The following GRIN2A variants were observed in gnomAD, a reference collection of about 807,000 sequenced individuals.
GRIN2A encodes glutamate receptor ionotropic, NMDA 2A.
In GRIN2A, 22 loss-of-function variants were observed where a neutral mutation model predicts 113.4. That is an observed-to-expected ratio of 0.19 (90% CI 0.14 to 0.28). The LOEUF (loss-of-function observed/expected upper bound fraction) is 0.28, where lower values mean the gene tolerates loss of function less well. Ranked by LOEUF, GRIN2A falls within the 10% of genes least tolerant of loss-of-function variation. The probability of loss-of-function intolerance (pLI) is 1.00; values close to 1 mark genes in which losing one functional copy is unlikely to be tolerated. For missense variants in GRIN2A, 1,502 were observed against 1,887.0 expected (o/e 0.80, Z 3.78); for synonymous variants, 827 against 738.4 (o/e 1.12, Z -1.94).
chr16:10,165,863 G>T (rs1387544094), intron 2 of GRIN2A, among the ~76,000 whole-genome samples: 2 of 151,998 alleles, frequency 1.3e-5, no homozygotes, highest in Non-Finnish European at 2.9e-5. Flanking sequence ...ATTAACCAAG[G>T]CAAAACCAAT....
intron 4 of GRIN2A, among the ~76,000 whole-genome samples, chr16:9,875,642 G>A (rs2043349726): frequency 6.6e-6 from 1 of 152,226 alleles, no homozygotes; most frequent in East Asian, 1.9e-4. Context: ...CCAGACAGCA[G>A]CCACTGAGCT....
intron 2 of GRIN2A, among the ~76,000 whole-genome samples, chr16:9,945,299 G>A (rs769464620): frequency 2.3e-4 from 35 of 152,118 alleles, no homozygotes; most frequent in Admixed American, 1.3e-4. Flanking sequence ...ATGATATGAA[G>A]AAGGAGTCAT....
chr16:9,935,512 TCACACACACACACACACACACACACACA>T (rs71157793), intron 3 of GRIN2A, among the ~76,000 whole-genome samples: 1 of 132,836 alleles, frequency 7.5e-6, no homozygotes, highest in South Asian at 2.7e-4. Flanking sequence ...GTCTACTTCA[TCACACACACACACACACACACACACACA>T]CACACACACA....
intron 4 of GRIN2A, among the ~76,000 whole-genome samples, chr16:9,878,914 T>A (rs1644381447): frequency 6.6e-6 from 1 of 151,984 alleles, no homozygotes; most frequent in African/African-American, 2.4e-5. Flanking sequence ...CTTTGGGAGA[T>A]GGCATCACTT....
chr16:9,829,673 A>G (rs1249354065), intron 8 of GRIN2A, 21 bp from the exon 9 acceptor site: 1 of 1,556,566 alleles, frequency 6.4e-7, no homozygotes, highest in East Asian at 2.2e-5. Flanking sequence ...TGAAAAGGAC[A>G]TTCTCAGCAT....
chr16:10,096,539 A>AACACACACACACAC (rs59351819), intron 2 of GRIN2A, among the ~76,000 whole-genome samples: 11,297 of 137,510 alleles, frequency 0.082, 513 homozygotes, highest in Admixed American at 0.099. Flanking sequence ...ATTGTGGTAA[A>AACACACACACACAC]ACACACACAC....
At chr16:9,862,252 T>A (rs1199772922) in intron 4 of GRIN2A, among the ~76,000 whole-genome samples, 1 of 152,250 alleles carries the variant, frequency 6.6e-6, no homozygotes, top group Non-Finnish European at 1.5e-5. Context: ...ATTAGAGCCT[T>A]AATTAAATTC....
chr16:10,003,102 G>C (rs926572599), intron 2 of GRIN2A, among the ~76,000 whole-genome samples: 4 of 152,204 alleles, frequency 2.6e-5, no homozygotes, highest in Non-Finnish European at 5.9e-5. Flanking sequence ...GCGAATACGA[G>C]GCAATCAGTT....
At chr16:9,926,004 G>A (rs970462892) in intron 3 of GRIN2A, among the ~76,000 whole-genome samples, 30 of 152,132 alleles carry the variant, frequency 2.0e-4, no homozygotes, top group Admixed American at 3.9e-4. Context: ...GGTTCCATCC[G>A]GCTCCATCAT....
intron 3 of GRIN2A, among the ~76,000 whole-genome samples, chr16:9,898,403 T>C (rs2043849951): frequency 6.6e-6 from 1 of 152,186 alleles, no homozygotes; most frequent in Non-Finnish European, 1.5e-5. Context: ...TGACTTAAAA[T>C]ATCTCATTCC....
intron 3 of GRIN2A, among the ~76,000 whole-genome samples, chr16:9,916,736 G>C (rs539393841): frequency 2.3e-4 from 35 of 151,962 alleles, no homozygotes; most frequent in African/African-American, 8.2e-4. Flanking sequence ...GTTCCTCCCC[G>C]CCACCCACAT....
At chr16:9,822,188 G>A in intron 10 of GRIN2A, 76 bp downstream of exon 10, 2 of 1,410,604 alleles carry the variant, frequency 1.4e-6, no homozygotes, top group Non-Finnish European at 2.0e-6. Flanking sequence ...GATAGGAACT[G>A]AGGCATGCCG....
intron 2 of GRIN2A, among the ~76,000 whole-genome samples, chr16:10,090,980 C>G (rs1473939093): frequency 6.6e-6 from 1 of 152,180 alleles, no homozygotes; most frequent in Non-Finnish European, 1.5e-5. Flanking sequence ...AACATTAAAA[C>G]CACAATGAGA....
intron 2 of GRIN2A, among the ~76,000 whole-genome samples, chr16:10,116,937 T>C (rs1430095951): frequency 6.6e-6 from 1 of 151,940 alleles, no homozygotes; most frequent in Non-Finnish European, 1.5e-5. Flanking sequence ...GTGCTTGAGG[T>C]GAGAAGCCAT....
chr16:9,851,916 C>T (rs911832843), intron 4 of GRIN2A, among the ~76,000 whole-genome samples: 3 of 152,204 alleles, frequency 2.0e-5, no homozygotes, highest in Non-Finnish European at 2.9e-5. Flanking sequence ...TATTATTTTA[C>T]TATTGTTGTT....
intron 2 of GRIN2A, among the ~76,000 whole-genome samples, chr16:9,969,690 G>T (rs931365219): frequency 2.6e-5 from 4 of 152,256 alleles, no homozygotes; most frequent in Non-Finnish European, 5.9e-5. Context: ...CTCCACCAGG[G>T]GATATTTCGC....
At chr16:10,136,969 T>C (rs1361247153) in intron 2 of GRIN2A, among the ~76,000 whole-genome samples, 1 of 152,200 alleles carries the variant, frequency 6.6e-6, no homozygotes, top group African/African-American at 2.4e-5. Context: ...TTAAGGCAAC[T>C]GGGCCTTAAG....
intron 2 of GRIN2A, among the ~76,000 whole-genome samples, chr16:9,974,625 G>C (rs2045740060): frequency 6.6e-6 from 1 of 152,166 alleles, no homozygotes; most frequent in South Asian, 2.1e-4. Flanking sequence ...TGTCTGAGGA[G>C]TTTTGTCTGC....
At chr16:10,149,137 G>A (rs1020123272) in intron 2 of GRIN2A, among the ~76,000 whole-genome samples, 11 of 152,160 alleles carry the variant, frequency 7.2e-5, no homozygotes, top group South Asian at 4.1e-4. Flanking sequence ...TAGAAAGAAC[G>A]AATAAGATAT....
Sources: allele counts gnomAD v4.1 joint callset (sites outside exome capture counted in the v4.1 genomes callset), GRCh38; gene constraint gnomAD v4.1.1; transcripts MANE v1.5; gene names NCBI Gene and HGNC (gene_info 2026-07-23, HGNC 2026-07-21).